Variants in STRBP observed in about 807,000 individuals in gnomAD.
The protein encoded by STRBP is spermatid perinuclear RNA binding protein.
In STRBP, 13 loss-of-function variants were observed where a neutral mutation model predicts 80.1. That is an observed-to-expected ratio of 0.16 (90% CI 0.11 to 0.26). The LOEUF (loss-of-function observed/expected upper bound fraction) is 0.26. Among genes scored for constraint, STRBP ranks in the 10% least tolerant of loss-of-function variants. STRBP has a pLI of 1.00. For synonymous variants in STRBP, 284 were observed against 291.2 expected (o/e 0.98, Z 0.25); for missense variants, 485 against 815.2 (o/e 0.59, Z 4.93).
chr9:123,210,579 T>C (rs2039673412), intron 2 of STRBP, among the ~76,000 whole-genome samples: 1 of 152,152 alleles, frequency 6.6e-6, no homozygotes, highest in Admixed American at 6.5e-5. Context: ...ACGCCTGTAA[T>C]CCCAGCACTT....
Position 123,110,590 on chromosome 9 carries a change from A to G in STRBP, c.*85-837T>C, listed in dbSNP as rs1410724413. ...CTAAAAAGTATATGGTGTCTGCCCA[A>G]GGAAAGGACAACAGTAGGGAGTTCC... On this transcript the variant is annotated intron_variant and NMD_transcript_variant, in intron 3 of 3. Coordinates refer to the STRBP transcript ENST00000471564. This position sits in a 1 kb window ranked among gnomAD's most constrained non-coding sequence, Gnocchi z 4.1. 3.5e-5 allele frequency: 6 copies of G among 169,642 alleles called. No individual in the cohort carries two copies. The highest frequency in any genetic ancestry group is 2.9e-5 in the Non-Finnish European group (2 of 68,302). 10.5% of individuals were successfully genotyped at this position (169,642 alleles called of 1,614,324 possible).
At chr9:123,197,453 T>C (rs1206149654) in intron 2 of STRBP, among the ~76,000 whole-genome samples, 1 of 152,126 alleles carries the variant, frequency 6.6e-6, no homozygotes, top group Non-Finnish European at 1.5e-5. Context: ...ACCCAAGTAG[T>C]GTACACTATA....
At chr9:123,173,125 C>T (rs1007801458) in intron 5 of STRBP, among the ~76,000 whole-genome samples, 1 of 152,168 alleles carries the variant, frequency 6.6e-6, no homozygotes, top group Non-Finnish European at 1.5e-5. Context: ...CAGCCTTCAG[C>T]AGCATCCTCC....
intron 18 of STRBP, among the ~76,000 whole-genome samples, chr9:123,125,974 C>A (rs1322208728): frequency 6.6e-6 from 1 of 152,174 alleles, no homozygotes; most frequent in Admixed American, 6.5e-5. Context: ...GAATCATGTT[C>A]TAATCGACTG....
intron 6 of STRBP, among the ~76,000 whole-genome samples, chr9:123,164,686 T>G (rs1354996608): frequency 6.6e-6 from 1 of 152,184 alleles, no homozygotes; most frequent in South Asian, 2.1e-4. Context: ...CTCAGTATCA[T>G]GAGGGGCTCC....
intron 2 of STRBP, among the ~76,000 whole-genome samples, chr9:123,219,074 C>CT: frequency 7.0e-6 from 1 of 142,990 alleles, no homozygotes; most frequent in Admixed American, 6.8e-5. Flanking sequence ...AGCTCTTGCC[C>CT]TGTAAATAAT....
intron 1 of STRBP, among the ~76,000 whole-genome samples, chr9:123,250,524 G>T (rs1299000114): frequency 6.6e-6 from 1 of 151,808 alleles, no homozygotes; most frequent in Non-Finnish European, 1.5e-5. Context: ...AAAAAAAAAA[G>T]TTTTTTTTGA....
intron 1 of STRBP, among the ~76,000 whole-genome samples, chr9:123,267,233 C>G (rs1008267723): frequency 2.6e-5 from 4 of 151,504 alleles, no homozygotes; most frequent in Non-Finnish European, 5.9e-5. Context: ...ACCCTCCGTC[C>G]TACCTCAAAA....
At chr9:123,212,715 G>A (rs143356876) in intron 2 of STRBP, 4 of 152,198 alleles carry the variant, frequency 2.6e-5, no homozygotes, top group African/African-American at 7.2e-5. Context: ...TTTCCTACCA[G>A]GCAAGACACC....
At chr9:123,161,384 C>T (rs2037516448) in intron 6 of STRBP, among the ~76,000 whole-genome samples, 1 of 152,062 alleles carries the variant, frequency 6.6e-6, no homozygotes, top group Admixed American at 6.6e-5. Flanking sequence ...TTACAGGGCA[C>T]AAAATAAGTA....
chr9:123,257,351 A>G (rs1279827356), intron 1 of STRBP, among the ~76,000 whole-genome samples: 1 of 152,052 alleles, frequency 6.6e-6, no homozygotes, highest in Non-Finnish European at 1.5e-5. Flanking sequence ...TCCACTAGAA[A>G]TAATTTCTTG....
chr9:123,267,925 G>A (rs2132670605), intron 1 of STRBP, among the ~76,000 whole-genome samples: 1 of 149,636 alleles, frequency 6.7e-6, no homozygotes, highest in Non-Finnish European at 1.5e-5. Context: ...CTGGCCCAGG[G>A]GGCCCCCCAA....
Position 123,124,472 on chromosome 9 carries a change from C to CA in STRBP, c.*1124_*1125insT. 1.6e-5 allele frequency: 16 copies of CA among 985,466 alleles called. No individual in the cohort carries two copies. Among genetic ancestry groups the CA allele is most frequent in the Non-Finnish European group, 1.9e-5 (16 of 829,958 alleles). 61.0% of individuals were successfully genotyped at this position (985,466 alleles called of 1,614,324 possible). A position where few individuals can be genotyped will look rare whatever the true frequency, so the allele number is the denominator to read the frequency against. On this transcript the variant is annotated 3_prime_UTR_variant, in exon 19 of 19. Coordinates refer to ENST00000348403, the MANE Select transcript of STRBP (RefSeq NM_018387.5). ...TCATCAGGTGTCTTAAAAAGAAATGCTGACCCATGGCTGAAACCTGTCACT... is the reference window on the plus strand; with the variant it reads ...TCATCAGGTGTCTTAAAAAGAAATGCATGACCCATGGCTGAAACCTGTCACT...
chr9:123,115,415 A>G lies in STRBP; in HGVS notation c.*84+514T>C, dbSNP rs953803962. 57 of 470,474 alleles carry G rather than the reference A, an allele frequency of 1.2e-4. No individual in the cohort carries two copies. The highest frequency in any genetic ancestry group is 2.3e-4 in the Non-Finnish European group (53 of 226,792). 29.1% of individuals were successfully genotyped at this position (470,474 alleles called of 1,614,324 possible). On this transcript the variant is annotated intron_variant and NMD_transcript_variant, in intron 3 of 3. Coordinates refer to the STRBP transcript ENST00000471564. This position sits in a 1 kb window ranked among gnomAD's most constrained non-coding sequence, Gnocchi z 5.0. ...GAGGATCCCTAGCAGGGAGGGGGAG[A>G]CCCACTGAAGCCTTTCTCCCTGCAC...
intron 1 of STRBP, among the ~76,000 whole-genome samples, chr9:123,249,871 G>C (rs780965283): frequency 5.3e-5 from 8 of 152,144 alleles, no homozygotes; most frequent in Non-Finnish European, 1.2e-4. Context: ...ATTCTTTCCA[G>C]AGTACAGAGT....
chr9:123,165,680 C>G (rs2037725305), intron 6 of STRBP, among the ~76,000 whole-genome samples: 1 of 152,196 alleles, frequency 6.6e-6, no homozygotes, highest in African/African-American at 2.4e-5. Flanking sequence ...GAAATTGAGA[C>G]TCTGTGTGAA....
chr9:123,158,166 T>C (rs764854631), intron 10 of STRBP, 43 bp from the exon 11 acceptor site: 1 of 1,549,434 alleles, frequency 6.5e-7, no homozygotes, highest in South Asian at 1.1e-5. Context: ...TCAATAGCCA[T>C]TCATAAAGCC....
intron 1 of STRBP, among the ~76,000 whole-genome samples, chr9:123,268,161 G>C (rs1279798805): frequency 4.6e-5 from 7 of 151,462 alleles, no homozygotes; most frequent in African/African-American, 7.3e-5. Flanking sequence ...CCGGGACCCC[G>C]TCCCCGCGAA....
intron 11 of STRBP, among the ~76,000 whole-genome samples, chr9:123,149,521 T>C (rs188984491): frequency 2.0e-5 from 3 of 152,332 alleles, no homozygotes; most frequent in South Asian, 2.1e-4. Context: ...TAGAGTTCTA[T>C]GGATTAAGCT....
Sources: gnomAD v4.1 joint callset for allele counts (sites outside exome capture counted in the v4.1 genomes callset) on GRCh38, gnomAD v4.1.1 for gene constraint, Gnocchi (gnomAD v3.1) non-coding constraint, MANE v1.5 for transcripts, NCBI Gene and HGNC (gene_info 2026-07-23, HGNC 2026-07-21) for gene names.